Variants in PALM2AKAP2 observed in about 807,000 individuals in gnomAD.
PALM2AKAP2 encodes the protein PALM2 and AKAP2 fusion.
A neutral mutation model predicts 71.5 loss-of-function variants in PALM2AKAP2; 37 were observed. That is an observed-to-expected ratio of 0.52 (90% confidence interval 0.40 to 0.68). PALM2AKAP2 has a LOEUF of 0.68. Ranked by LOEUF, PALM2AKAP2 falls within the 30% of genes least tolerant of loss-of-function variation. The pLI, the probability that PALM2AKAP2 is intolerant of heterozygous loss-of-function variation, is 0.00. For missense variants in PALM2AKAP2, 1,224 were observed against 1,191.8 expected (o/e 1.03, Z -0.40); for synonymous variants, 468 against 478.8 (o/e 0.98, Z 0.29).
chr9:109,907,399 G>A (rs1188289893), intron 3 of PALM2AKAP2, among the ~76,000 whole-genome samples: 4 of 152,136 alleles, frequency 2.6e-5, no homozygotes, highest in Non-Finnish European at 5.9e-5. Context: ...CATATTTCTG[G>A]GTGTTTTAAG....
At chr9:109,777,891 G>C (rs1023545443), upstream of PALM2AKAP2, among the ~76,000 whole-genome samples, 3 of 151,962 alleles carry the variant, frequency 2.0e-5, no homozygotes, top group Admixed American at 6.5e-5. Context: ...CATTTCTTTA[G>C]CTGTAACCGC....
intron 6 of PALM2AKAP2, among the ~76,000 whole-genome samples, chr9:109,939,691 T>C (rs2132031815): frequency 1.3e-5 from 2 of 152,360 alleles, no homozygotes; most frequent in South Asian, 4.1e-4. Flanking sequence ...CATGCAAATT[T>C]TAAATGCCTA....
At chr9:109,750,484 A>G (rs1051699881) in intron 1 of PALM2AKAP2, among the ~76,000 whole-genome samples, 4 of 152,148 alleles carry the variant, frequency 2.6e-5, no homozygotes, top group Non-Finnish European at 4.4e-5. Context: ...AATGCTAAGT[A>G]TGATACCTGA....
At chr9:109,932,591 T>C (rs890149918) in intron 6 of PALM2AKAP2, among the ~76,000 whole-genome samples, 1 of 152,230 alleles carries the variant, frequency 6.6e-6, no homozygotes, top group Admixed American at 6.5e-5. Context: ...TGTCTCACAA[T>C]TGGAAATTTT....
chr9:109,930,634 G>C (rs1278492969), intron 5 of PALM2AKAP2, among the ~76,000 whole-genome samples: 1 of 152,246 alleles, frequency 6.6e-6, no homozygotes, highest in Non-Finnish European at 1.5e-5. Flanking sequence ...AAAGGGTCTG[G>C]TTGGTCTAGA....
intron 1 of PALM2AKAP2, among the ~76,000 whole-genome samples, chr9:109,757,778 G>A (rs1828986972): frequency 6.6e-6 from 1 of 151,786 alleles, no homozygotes; most frequent in African/African-American, 2.4e-5. Context: ...GTATAGGCTT[G>A]TCTATGGTCA....
At chr9:110,124,044 G>A (rs987333858) in intron 1 of PALM2AKAP2, among the ~76,000 whole-genome samples, 1 of 152,210 alleles carries the variant, frequency 6.6e-6, no homozygotes, top group African/African-American at 2.4e-5. Context: ...GTCAGTCATT[G>A]AGGAACTCCC....
At chr9:109,946,160 T>C (rs1053566650) in intron 6 of PALM2AKAP2, 2 of 152,208 alleles carry the variant, frequency 1.3e-5, no homozygotes, top group Admixed American at 1.3e-4. Context: ...ATCCCACCTA[T>C]AGCAGCAAGT....
At chr9:109,730,218 A>T (rs1828534736) in intron 1 of PALM2AKAP2, among the ~76,000 whole-genome samples, 1 of 152,252 alleles carries the variant, frequency 6.6e-6, no homozygotes, top group Non-Finnish European at 1.5e-5. Context: ...CTAGTAATTC[A>T]TAGCAGGAAT....
intron 1 of PALM2AKAP2, among the ~76,000 whole-genome samples, chr9:110,060,105 T>A (rs1449940678): frequency 2.3e-5 from 2 of 86,318 alleles, no homozygotes; most frequent in Admixed American, 2.0e-4. Context: ...TTTGTTTTTG[T>A]TTTTGTTTTT....
chr9:109,895,602 G>T (rs1280763114), intron 3 of PALM2AKAP2, among the ~76,000 whole-genome samples: 3 of 152,146 alleles, frequency 2.0e-5, no homozygotes, highest in Admixed American at 2.0e-4. Flanking sequence ...CCTACTTCAG[G>T]TCGAACTATA....
At chr9:109,880,483 T>C in intron 2 of PALM2AKAP2, 68 bp from the exon 3 acceptor site, 7 of 1,581,648 alleles carry the variant, frequency 4.4e-6, no homozygotes, top group Non-Finnish European at 6.0e-6. Context: ...ACAGCACCAC[T>C]GCAGAGGGAG....
At chr9:109,804,273 G>A (rs1332998560) in intron 1 of PALM2AKAP2, among the ~76,000 whole-genome samples, 1 of 152,090 alleles carries the variant, frequency 6.6e-6, no homozygotes, top group African/African-American at 2.4e-5. Context: ...AGTCAGCATG[G>A]CATCTTGGTG....
At chr9:110,107,819 G>A (rs749677870) in intron 1 of PALM2AKAP2, among the ~76,000 whole-genome samples, 8 of 152,032 alleles carry the variant, frequency 5.3e-5, no homozygotes, top group Admixed American at 2.0e-4. Context: ...TGCTTGCCTC[G>A]GCCTCCCAAA....
intron 2 of PALM2AKAP2, among the ~76,000 whole-genome samples, chr9:110,153,656 G>A (rs994147226): frequency 2.6e-5 from 4 of 152,196 alleles, no homozygotes; most frequent in African/African-American, 9.7e-5. Flanking sequence ...CTCGTGCCAT[G>A]TACCACAGCT....
chr9:109,800,199 C>T (rs897725075), intron 1 of PALM2AKAP2, among the ~76,000 whole-genome samples: 3 of 152,198 alleles, frequency 2.0e-5, no homozygotes, highest in Non-Finnish European at 4.4e-5. Flanking sequence ...ACTTTTAAAT[C>T]AGAGGAGCAT....
rs55980564 is a variant in PALM2AKAP2, at chr9:109,834,551, G to A, written c.46-32940G>A. 5.3e-3 allele frequency among the ~76,000 whole-genome samples: 808 copies of A among 152,238 alleles called. 4 individuals are homozygous for A. The highest frequency in any genetic ancestry group is 9.6e-3 in the Non-Finnish European group (656 of 68,014). On this transcript the variant is annotated intron_variant, in intron 1 of 9. Coordinates refer to the PALM2AKAP2 transcript ENST00000302798. The stretch of plus-strand genomic sequence containing the variant: ...CCCTGGTAGTGTGAGGACCTTGGGG[G>A]ATTGCCTTGGAAAATACAGGGTCCA...
rs1449385248 is a variant in PALM2AKAP2, at chr9:109,773,807, G to A, written c.6-6681G>A. ...TGGGGAAAGGCAGTTTGTCCGGGAG[G>A]CCCTGGCTGGGAGGGTCACACATTA... is the stretch of plus-strand genomic sequence containing the variant. On this transcript the variant is annotated intron_variant, in intron 1 of 6. Coordinates refer to the PALM2AKAP2 transcript ENST00000374531. Among the ~76,000 whole-genome samples the A allele has an allele frequency of 5.2e-5, 4 of 77,372 alleles. No homozygotes were observed. In the East Asian group the frequency reaches 1.3e-3, roughly 25 times the overall value. The allele number at this position is 77,372 out of a possible 152,430, so 50.8% of individuals were successfully genotyped here. A position where few individuals can be genotyped will look rare whatever the true frequency, so the allele number is the denominator to read the frequency against.
In PALM2AKAP2 at chr9:109,892,274, C is replaced by T. The variant is rs571086537; in HGVS notation, c.257+11593C>T. ...TGTGGCTGTGTCGCTCTAATCTCTG[C>T]CTTTGTCTTCACATGGGCTTCTCCT... On this transcript the variant is annotated intron_variant, in intron 3 of 9. Transcript: ENST00000302798. Among the ~76,000 whole-genome samples the T allele has an allele frequency of 1.3e-3, 193 of 152,286 alleles. 1 individual carries two copies. The highest frequency in any genetic ancestry group is 4.4e-3 in the African/African-American group (184 of 41,558).
Sources: gnomAD v4.1 joint callset for allele counts (sites outside exome capture counted in the v4.1 genomes callset) on GRCh38, gnomAD v4.1.1 for gene constraint, MANE v1.5 for transcripts, NCBI Gene and HGNC (gene_info 2026-07-23, HGNC 2026-07-21) for gene names.